Variants in GRID1 observed in about 807,000 individuals in gnomAD.
The protein encoded by GRID1 is glutamate receptor ionotropic, delta-1.
GRID1 carries 28 observed loss-of-function variants against 98.0 expected under a neutral mutation model. The observed-to-expected ratio is 0.29, with a 90% CI of 0.21 to 0.39. GRID1 has a LOEUF of 0.39. GRID1 is among the 10% of genes least tolerant of loss of function. GRID1 has a pLI of 1.00. For synonymous variants in GRID1, 553 were observed against 538.5 expected (o/e 1.03, Z -0.37); for missense variants, 1,111 against 1,340.5 (o/e 0.83, Z 2.67).
At position 85,916,859 on chromosome 10, in the gene GRID1, C is replaced by T. The variant is rs1336310651; in HGVS notation, c.727-620G>A. Reference sequence around the variant, plus strand: ...TTGTGCTTGAATGGCTATCAGTTTACTTATTTCTTATTGTCTGTCTCCTCT... The same window carrying T: ...TTGTGCTTGAATGGCTATCAGTTTATTTATTTCTTATTGTCTGTCTCCTCT... On this transcript the variant is annotated intron_variant, in intron 4 of 15. Coordinates refer to ENST00000327946, the MANE Select transcript of GRID1 (RefSeq NM_017551.3). This position sits in a 1 kb window ranked among gnomAD's most constrained non-coding sequence, Gnocchi z 4.0. Among the ~76,000 whole-genome samples, 1 of 152,164 alleles carries T rather than the reference C, an allele frequency of 6.6e-6. No homozygotes were observed. Among genetic ancestry groups the T allele is most frequent in the Non-Finnish European group, 1.5e-5 (1 of 68,028 alleles).
chr10:86,207,095 G>A (rs554775794), intron 2 of GRID1, among the ~76,000 whole-genome samples: 40 of 152,276 alleles, frequency 2.6e-4, no homozygotes, highest in African/African-American at 9.4e-4. Flanking sequence ...AGAATATACT[G>A]TGTGTTCTAC....
chr10:86,323,494 G>A (rs1847998942), intron 2 of GRID1, among the ~76,000 whole-genome samples: 1 of 152,220 alleles, frequency 6.6e-6, no homozygotes, highest in Non-Finnish European at 1.5e-5. Flanking sequence ...CAGCTTTTAG[G>A]AAGGAAACAG....
intron 12 of GRID1, among the ~76,000 whole-genome samples, chr10:85,688,966 T>C (rs1176837308): frequency 6.6e-6 from 1 of 152,182 alleles, no homozygotes; most frequent in Non-Finnish European, 1.5e-5. Flanking sequence ...AAGTGGCTGA[T>C]TATTTTCAGG....
At chr10:86,140,408 G>C (rs1395489125) in intron 3 of GRID1, among the ~76,000 whole-genome samples, 1 of 152,224 alleles carries the variant, frequency 6.6e-6, no homozygotes, top group Non-Finnish European at 1.5e-5. Context: ...AACTCTCTCT[G>C]TACTAATTTT....
chr10:86,066,250 C>G (rs1247435179), intron 4 of GRID1, among the ~76,000 whole-genome samples: 1 of 152,138 alleles, frequency 6.6e-6, no homozygotes. Flanking sequence ...GGATGTTGCT[C>G]CACGGTGGCT....
rs1848639544 is a variant in GRID1 at position 86,363,972 on chromosome 10, C to T, written c.204G>A (p.Glu68=). The stretch of plus-strand genomic sequence containing the variant: ...GCACAGCCTGGAATGGGTTGTTGGC[C>T]TCGATGACCTTGATGGAGTAGGTGA... The part of the protein sequence containing the change: ...EKITYSIKVI[E]ANNPFQAVQE... The change falls in exon 2 of 16, where the codon GAG becomes GAA. Residue 68 remains glutamate (E), a synonymous_variant. Transcript: ENST00000327946. 2.5e-6 allele frequency: 4 copies of T among 1,614,132 alleles called. No individual in the cohort carries two copies. The highest frequency in any genetic ancestry group is 1.1e-5 in the South Asian group (1 of 91,082).
At chr10:85,612,705 C>T (rs747203558) in intron 15 of GRID1, among the ~76,000 whole-genome samples, 5 of 150,982 alleles carry the variant, frequency 3.3e-5, no homozygotes, top group East Asian at 2.0e-4. Context: ...CAAAGGTCTC[C>T]GGGGGACCTT....
intron 12 of GRID1, among the ~76,000 whole-genome samples, chr10:85,696,956 A>AT: frequency 6.6e-6 from 1 of 151,932 alleles, no homozygotes; most frequent in Non-Finnish European, 1.5e-5. Flanking sequence ...ATTTTTATTG[A>AT]TTTTTAAAGT....
At chr10:85,926,676 G>A (rs770314086) in intron 4 of GRID1, among the ~76,000 whole-genome samples, 1 of 152,098 alleles carries the variant, frequency 6.6e-6, no homozygotes, top group Admixed American at 6.5e-5. Context: ...ACCTGAAAAG[G>A]CCCCACCCAC....
chr10:86,281,644 G>T (rs1451322830), intron 2 of GRID1, among the ~76,000 whole-genome samples: 1 of 152,120 alleles, frequency 6.6e-6, no homozygotes, highest in Admixed American at 6.6e-5. Flanking sequence ...GGTGCTCTGG[G>T]CTCCTGTTGC....
intron 4 of GRID1, among the ~76,000 whole-genome samples, chr10:86,020,318 G>A (rs1465742571): frequency 6.6e-6 from 1 of 152,218 alleles, no homozygotes; most frequent in African/African-American, 2.4e-5. Context: ...AGCAGAGCCG[G>A]CTGCCTAGAT....
chr10:85,620,408 G>GGGACTAAGTTCATCATTAT (rs1842845398), intron 13 of GRID1, among the ~76,000 whole-genome samples: 1 of 151,376 alleles, frequency 6.6e-6, no homozygotes. Context: ...GAGATTCTGA[G>GGGACTAAGTTCATCATTAT]ATCAGAAATG....
At chr10:86,274,900 T>C (rs1460448664) in intron 2 of GRID1, among the ~76,000 whole-genome samples, 2 of 152,152 alleles carry the variant, frequency 1.3e-5, no homozygotes, top group African/African-American at 4.8e-5. Flanking sequence ...GAATACCCTT[T>C]ATTTCCTTCT....
At chr10:86,138,388 CA>C (rs1324859536) in intron 4 of GRID1, among the ~76,000 whole-genome samples, 1 of 152,134 alleles carries the variant, frequency 6.6e-6, no homozygotes, top group Non-Finnish European at 1.5e-5. Context: ...CAACGATAGG[CA>C]AAGACACCTC....
At chr10:85,778,715 G>C (rs1287911558) in intron 8 of GRID1, among the ~76,000 whole-genome samples, 1 of 152,196 alleles carries the variant, frequency 6.6e-6, no homozygotes, top group African/African-American at 2.4e-5. Context: ...AGAAACTTCT[G>C]AGACAGAAAA....
At chr10:85,664,031 G>A (rs959082921) in intron 12 of GRID1, among the ~76,000 whole-genome samples, 8 of 152,112 alleles carry the variant, frequency 5.3e-5, no homozygotes, top group Non-Finnish European at 1.2e-4. Flanking sequence ...CATTCCTGGC[G>A]CCATGCTTCT....
intron 12 of GRID1, among the ~76,000 whole-genome samples, chr10:85,693,899 C>T (rs1028332020): frequency 6.6e-6 from 1 of 152,102 alleles, no homozygotes; most frequent in African/African-American, 2.4e-5. Context: ...ACCGCAAATG[C>T]GTAAGCAACA....
rs1846026202 is a variant in GRID1 at position 86,206,437 on chromosome 10, G to A, written c.447C>T (p.Leu149=). 6.2e-7 allele frequency: 1 copy of A among 1,613,992 alleles called. No homozygotes were observed. Among genetic ancestry groups the A allele is most frequent in the African/African-American group, 1.3e-5 (1 of 75,066 alleles). Reference sequence around the variant, plus strand: ...TCACCAGCCTGAGCATGACATCATTGAGGCGGACGGGTGGTCTCGAAGCCA... The same window carrying A: ...TCACCAGCCTGAGCATGACATCATTAAGGCGGACGGGTGGTCTCGAAGCCA... ...YTLASRPPVR[L]NDVMLRLVTE... The change falls in exon 3 of 16, where the codon CTC becomes CTT. Residue 149 remains leucine (L), a synonymous_variant. Transcript: ENST00000327946. The surrounding 1 kb of genome is among the most constrained non-coding windows in gnomAD (Gnocchi z 4.1).
intron 2 of GRID1, among the ~76,000 whole-genome samples, chr10:86,224,422 G>A (rs559473309): frequency 5.6e-4 from 85 of 152,292 alleles, no homozygotes; most frequent in Middle Eastern, 3.4e-3. Context: ...GTCCCCAGAG[G>A]AGAACACAAG....
Sources: allele counts gnomAD v4.1 joint callset (sites outside exome capture counted in the v4.1 genomes callset), GRCh38; gene constraint gnomAD v4.1.1; non-coding constraint Gnocchi (gnomAD v3.1); transcripts MANE v1.5; gene names NCBI Gene and HGNC (gene_info 2026-07-23, HGNC 2026-07-21).